The following CLSTN2 variants were observed in gnomAD, a reference collection of about 807,000 sequenced individuals.
CLSTN2 encodes the protein calsyntenin 2, also known as calsyntenin-2.
In CLSTN2, 48 loss-of-function variants were observed where a neutral mutation model predicts 101.2. The ratio of observed to expected loss-of-function variants is 0.47; its 90% confidence interval spans 0.38 to 0.60. The LOEUF (loss-of-function observed/expected upper bound fraction) is 0.60. CLSTN2 is among the 20% of genes least tolerant of loss of function. The pLI is 0.00. For synonymous variants in CLSTN2, 481 were observed against 463.6 expected, an observed-to-expected ratio of 1.04 and a Z score of -0.48; for missense variants, 1,160 against 1,238.2, an observed-to-expected ratio of 0.94 and a Z score of 0.95.
At chr3:140,261,129 A>T (rs1434783438) in intron 2 of CLSTN2, among the ~76,000 whole-genome samples, 1 of 151,738 alleles carries the variant, frequency 6.6e-6, no homozygotes, top group African/African-American at 2.4e-5. Context: ...GTGTTTGGAA[A>T]TGACTATACA....
intron 2 of CLSTN2, among the ~76,000 whole-genome samples, chr3:140,276,033 G>T (rs1003391492): frequency 5.3e-5 from 8 of 152,152 alleles, no homozygotes; most frequent in African/African-American, 1.9e-4. Flanking sequence ...AAGTCCTGCT[G>T]CCTGGGCTTT....
At chr3:139,974,149 C>G (rs1476425799) in intron 1 of CLSTN2, among the ~76,000 whole-genome samples, 2 of 152,308 alleles carry the variant, frequency 1.3e-5, no homozygotes, top group South Asian at 2.1e-4. Flanking sequence ...TCGACCCAAG[C>G]CCAAAGTGCT....
intron 1 of CLSTN2, among the ~76,000 whole-genome samples, chr3:140,067,424 C>T (rs182372209): frequency 6.6e-6 from 1 of 152,142 alleles, no homozygotes; most frequent in Non-Finnish European, 1.5e-5. Context: ...AGTTCTGTGC[C>T]GATATTGCCC....
chr3:140,400,725 G>A (rs768706532), intron 2 of CLSTN2, among the ~76,000 whole-genome samples: 2 of 152,016 alleles, frequency 1.3e-5, no homozygotes, highest in African/African-American at 2.4e-5. Context: ...GACAGAGACA[G>A]AAGAGATTAA....
chr3:140,318,028 T>A (rs1559837515), intron 2 of CLSTN2, among the ~76,000 whole-genome samples: 1 of 152,214 alleles, frequency 6.6e-6, no homozygotes, highest in Non-Finnish European at 1.5e-5. Flanking sequence ...GGGTAGGAAC[T>A]ATTACTTTTC....
intron 1 of CLSTN2, among the ~76,000 whole-genome samples, chr3:139,970,774 G>T (rs574773894): frequency 1.3e-5 from 2 of 152,216 alleles, no homozygotes; most frequent in Non-Finnish European, 2.9e-5. Context: ...GGTAACTGTA[G>T]CCTCCTCAAG....
At chr3:140,266,195 G>A (rs971474344) in intron 2 of CLSTN2, among the ~76,000 whole-genome samples, 2 of 152,140 alleles carry the variant, frequency 1.3e-5, no homozygotes, top group African/African-American at 4.8e-5. Context: ...CTGATGGCTG[G>A]AGGGAATGGA....
chr3:140,410,526 A>T (rs1180786733), intron 4 of CLSTN2, among the ~76,000 whole-genome samples: 2 of 152,082 alleles, frequency 1.3e-5, no homozygotes, highest in Admixed American at 6.5e-5. Flanking sequence ...GGAATTCATC[A>T]CCACTAGACC....
At chr3:140,219,361 C>A (rs941607179) in intron 2 of CLSTN2, among the ~76,000 whole-genome samples, 2 of 151,990 alleles carry the variant, frequency 1.3e-5, no homozygotes, top group East Asian at 2.0e-4. Flanking sequence ...ACATTAGTTG[C>A]GCGTGAGTGA....
At chr3:139,969,874 C>T (rs547982057) in intron 1 of CLSTN2, among the ~76,000 whole-genome samples, 1 of 152,128 alleles carries the variant, frequency 6.6e-6, no homozygotes, top group Non-Finnish European at 1.5e-5. Context: ...ATTGATTCTC[C>T]CCTGTGACAC....
intron 1 of CLSTN2, among the ~76,000 whole-genome samples, chr3:140,117,040 G>A (rs952237286): frequency 6.6e-6 from 1 of 152,192 alleles, no homozygotes; most frequent in Non-Finnish European, 1.5e-5. Context: ...CGGGCTGGGA[G>A]GGGGACAGTT....
chr3:140,347,510 A>T (rs2087561198), intron 2 of CLSTN2, among the ~76,000 whole-genome samples: 1 of 152,250 alleles, frequency 6.6e-6, no homozygotes, highest in South Asian at 2.1e-4. Context: ...TCAATAAAAC[A>T]CAAACTACAA....
intron 2 of CLSTN2, among the ~76,000 whole-genome samples, chr3:140,176,524 G>GTCT (rs2010327630): frequency 6.6e-6 from 1 of 152,226 alleles, no homozygotes; most frequent in African/African-American, 2.4e-5. Context: ...GTGGCACAGG[G>GTCT]TCTTGTCCTT....
At chr3:139,979,780 T>C (rs1935885202) in intron 1 of CLSTN2, among the ~76,000 whole-genome samples, 1 of 152,046 alleles carries the variant, frequency 6.6e-6, no homozygotes, top group African/African-American at 2.4e-5. Flanking sequence ...TGTATCACCA[T>C]TGGTGTCATT....
chr3:140,157,854 C>T (rs2009980975), intron 1 of CLSTN2, among the ~76,000 whole-genome samples: 1 of 152,068 alleles, frequency 6.6e-6, no homozygotes, highest in Non-Finnish European at 1.5e-5. Flanking sequence ...AAGGCTGGTT[C>T]AATATACACA....
chr3:139,999,128 C>T (rs933718380), intron 1 of CLSTN2, among the ~76,000 whole-genome samples: 2 of 152,098 alleles, frequency 1.3e-5, no homozygotes, highest in African/African-American at 4.8e-5. Context: ...CCACTTGAGG[C>T]GGTCTGTGGT....
At chr3:140,496,885 C>T (rs1934477430) in intron 8 of CLSTN2, among the ~76,000 whole-genome samples, 1 of 151,854 alleles carries the variant, frequency 6.6e-6, no homozygotes, top group Non-Finnish European at 1.5e-5. Flanking sequence ...GGTGGATCAC[C>T]AGGTCAGGAG....
At chr3:140,013,578 T>G (rs2007134082) in intron 1 of CLSTN2, among the ~76,000 whole-genome samples, 1 of 152,158 alleles carries the variant, frequency 6.6e-6, no homozygotes, top group Non-Finnish European at 1.5e-5. Flanking sequence ...ATATATAAAC[T>G]GCATATATGA....
At chr3:140,108,229 C>T (rs1213836758) in intron 1 of CLSTN2, among the ~76,000 whole-genome samples, 2 of 152,198 alleles carry the variant, frequency 1.3e-5, no homozygotes, top group Non-Finnish European at 2.9e-5. Context: ...AACCTTCAGT[C>T]ATAACTTGCA....
Sources: gnomAD v4.1 joint callset for allele counts (sites outside exome capture counted in the v4.1 genomes callset) on GRCh38, gnomAD v4.1.1 for gene constraint, MANE v1.5 for transcripts, NCBI Gene and HGNC (gene_info 2026-07-23, HGNC 2026-07-21) for gene names.